The following CRISPLD2 variants were observed in gnomAD, a reference collection of about 807,000 sequenced individuals.
CRISPLD2 encodes cysteine rich secretory protein LCCL domain containing 2.
A neutral mutation model predicts 71.1 loss-of-function variants in CRISPLD2; 47 were observed. That is an observed-to-expected ratio of 0.66 (90% CI 0.52 to 0.84). The LOEUF is 0.84. Among genes scored for constraint, CRISPLD2 ranks in the 40% least tolerant of loss-of-function variants. The pLI is 0.00. For synonymous variants in CRISPLD2, 317 were observed against 250.1 expected (o/e 1.27, Z -2.52); for missense variants, 830 against 651.1 (o/e 1.27, Z -2.99).
At chr16:84,866,871 T>G (rs1420120612) in intron 6 of CRISPLD2, 26 bp from the exon 7 acceptor site, 2 of 1,602,440 alleles carry the variant, frequency 1.2e-6, no homozygotes, top group Non-Finnish European at 8.5e-7. Flanking sequence ...GTGTGTTATT[T>G]TTTTTCCTCC....
chr16:84,847,112 A>G (rs1916935675), intron 3 of CRISPLD2, among the ~76,000 whole-genome samples: 1 of 152,158 alleles, frequency 6.6e-6, no homozygotes. Context: ...ATTTTGCCCT[A>G]ATTATTGAAA....
chr16:84,856,144 C>A (rs1014997076), intron 6 of CRISPLD2, among the ~76,000 whole-genome samples: 8 of 152,180 alleles, frequency 5.3e-5, no homozygotes, highest in African/African-American at 1.9e-4. Context: ...GGTGGAGTGA[C>A]CCAAACCTTC....
intron 6 of CRISPLD2, among the ~76,000 whole-genome samples, chr16:84,864,888 C>G (rs1331782083): frequency 1.3e-5 from 2 of 152,160 alleles, no homozygotes; most frequent in Non-Finnish European, 2.9e-5. Flanking sequence ...GAATGGCTTC[C>G]CACCTTCTGA....
intron 11 of CRISPLD2, among the ~76,000 whole-genome samples, 153 bp downstream of exon 11, chr16:84,874,116 C>A (rs1209069504): frequency 6.6e-6 from 1 of 152,156 alleles, no homozygotes; most frequent in Non-Finnish European, 1.5e-5. Flanking sequence ...GACGTCATCT[C>A]TTTAACCAGC....
At chr16:84,872,901 T>G in intron 9 of CRISPLD2, 91 bp from the exon 10 acceptor site, 83 of 1,466,108 alleles carry the variant, frequency 5.7e-5, no homozygotes, top group Non-Finnish European at 6.8e-5. Context: ...AGGCTTTTAG[T>G]GAGTTGAGGA....
chr16:84,869,310 C>T (rs910826022), intron 8 of CRISPLD2, among the ~76,000 whole-genome samples: 1 of 152,190 alleles, frequency 6.6e-6, no homozygotes, highest in Non-Finnish European at 1.5e-5. Flanking sequence ...AAACAGCCAA[C>T]AGGTGCAGCC....
chr16:84,859,066 G>A (rs943331591), intron 6 of CRISPLD2, among the ~76,000 whole-genome samples: 3 of 152,186 alleles, frequency 2.0e-5, no homozygotes, highest in Non-Finnish European at 2.9e-5. Flanking sequence ...CCAGGGATGC[G>A]ATATTGTTTT....
rs1425843874 is a variant in CRISPLD2 at position 84,854,825 on chromosome 16, C to T, written c.705C>T (p.Tyr235=). ...GCAGCTGCAGGAACAACTTGTGTTA[C>T]CGAGGTAGGAAATTTACTCCCAACA... The part of the protein sequence containing the change: ...YGGSCRNNLC[Y]REETYTPKPE... The change falls in exon 6 of 15, where the codon TAC becomes TAT. Residue 235 remains tyrosine (Y), a synonymous_variant. Coordinates refer to ENST00000262424, the MANE Select transcript of CRISPLD2 (RefSeq NM_031476.4). The T allele has an allele frequency of 8.7e-6, 14 of 1,613,088 alleles. No individual in the cohort carries two copies. The highest frequency in any genetic ancestry group is 2.7e-5 in the African/African-American group (2 of 74,904).
intron 14 of CRISPLD2, among the ~76,000 whole-genome samples, chr16:84,891,872 C>T (rs2071666026): frequency 6.6e-6 from 1 of 152,214 alleles, no homozygotes; most frequent in Non-Finnish European, 1.5e-5. Flanking sequence ...GTGACACCCA[C>T]CCAAATCGCC....
intron 13 of CRISPLD2, among the ~76,000 whole-genome samples, chr16:84,886,709 GCTA>G (rs1191461582): frequency 2.0e-5 from 3 of 152,166 alleles, no homozygotes; most frequent in Non-Finnish European, 4.4e-5. Context: ...TGCGATCCCA[GCTA>G]CTTGAGAAGC....
Position 84,838,670 on chromosome 16 carries a change from A to G in CRISPLD2, c.175A>G (p.Ile59Val). The G allele has an allele frequency of 6.2e-7, 1 of 1,614,204 alleles. No individual in the cohort carries two copies. The highest frequency in any genetic ancestry group is 8.5e-7 in the Non-Finnish European group (1 of 1,180,036). ...CATCCCCAGGGAGGACAAGGAGGAG[A>G]TCCTCATGCTGCACAACAAGCTTCG... The part of the protein sequence containing the change: ...RAIPREDKEE[I>V]LMLHNKLRGQ... The change falls in exon 2 of 15, where the codon ATC (isoleucine) becomes GTC (valine). Residue 59 changes from isoleucine (I) to valine (V), a missense_variant. Ile to Val is a conservative substitution (Grantham distance 29, BLOSUM62 3). Transcript: ENST00000262424.
chr16:84,880,561 T>C lies in CRISPLD2; in HGVS notation c.1282T>C (p.Phe428Leu). 6.2e-7 allele frequency: 1 copy of C among 1,613,944 alleles called. No individual in the cohort carries two copies. The highest frequency in any genetic ancestry group is 1.3e-5 in the African/African-American group (1 of 75,034). ...KDEPSYWAPV[F>L]GTNIYADTSS... ...CGAACCTTCCTACTGGGCTCCGGTG[T>C]TTGGAACCAACATCTATGCAGATGT... Residue 428 changes from phenylalanine to leucine, a missense_variant, in exon 13 of 15, where the codon TTT becomes CTT. Physicochemically the swap from Phe to Leu is conservative, Grantham distance 22. Transcript: ENST00000262424.
chr16:84,878,505 G>A (rs539558468), intron 12 of CRISPLD2, among the ~76,000 whole-genome samples: 2 of 152,242 alleles, frequency 1.3e-5, no homozygotes, highest in South Asian at 2.1e-4. Context: ...GTTGTGGAGC[G>A]TGTTTGTTTA....
At chr16:84,866,809 T>C in intron 6 of CRISPLD2, 88 bp from the exon 7 acceptor site, 1 of 1,285,656 alleles carries the variant, frequency 7.8e-7, no homozygotes, top group South Asian at 1.3e-5. Flanking sequence ...TCAAACACGT[T>C]TAGTTTTCAA....
chr16:84,904,593 TAAAAAAAAAAATTTA>T (rs1383885959), intron 14 of CRISPLD2, among the ~76,000 whole-genome samples: 1 of 128,002 alleles, frequency 7.8e-6, no homozygotes, highest in Non-Finnish European at 1.7e-5. Flanking sequence ...CAAAAAAAGG[TAAAAAAAAAAATTTA>T]AAAAAAAAAT....
chr16:84,888,355 G>A (rs905431021), intron 13 of CRISPLD2, among the ~76,000 whole-genome samples: 2 of 152,222 alleles, frequency 1.3e-5, no homozygotes, highest in Non-Finnish European at 2.9e-5. Context: ...GCAACACAGC[G>A]AGACCTTGTC....
At chr16:84,836,937 C>T (rs1245499926) in intron 1 of CRISPLD2, among the ~76,000 whole-genome samples, 1 of 152,232 alleles carries the variant, frequency 6.6e-6, no homozygotes, top group Non-Finnish European at 1.5e-5. Flanking sequence ...GGGCCTGGCA[C>T]TGTCTTTAGA....
intron 5 of CRISPLD2, among the ~76,000 whole-genome samples, chr16:84,853,769 C>T (rs1322789593): frequency 6.6e-6 from 1 of 152,238 alleles, no homozygotes; most frequent in East Asian, 1.9e-4. Context: ...AGGTGCCGGT[C>T]CAAGGGCTTC....
chr16:84,854,340 G>A (rs1218267314), intron 5 of CRISPLD2, among the ~76,000 whole-genome samples: 1 of 152,176 alleles, frequency 6.6e-6, no homozygotes, highest in East Asian at 1.9e-4. Context: ...GGACAGGCTG[G>A]CTTTACACAT....
Sources: allele counts gnomAD v4.1 joint callset (sites outside exome capture counted in the v4.1 genomes callset), GRCh38; gene constraint gnomAD v4.1.1; transcripts MANE v1.5; gene names NCBI Gene and HGNC (gene_info 2026-07-23, HGNC 2026-07-21).